The following ATAD5 variants were observed in gnomAD, a reference collection of about 807,000 sequenced individuals.
The protein encoded by ATAD5 is ATPase family AAA domain-containing protein 5.
Under a neutral mutation model 176.9 loss-of-function variants are expected in ATAD5, and 58 were observed. That is an observed-to-expected ratio of 0.33 (90% CI 0.27 to 0.41). The LOEUF is 0.41. Among genes scored for constraint, ATAD5 ranks in the 10% least tolerant of loss-of-function variants. The probability of loss-of-function intolerance (pLI) is 1.00; values close to 1 mark genes in which losing one functional copy is unlikely to be tolerated. For missense variants in ATAD5, 1,789 were observed against 2,094.1 expected, an observed-to-expected ratio of 0.85 and a Z score of 2.84; for synonymous variants, 640 against 712.6, an observed-to-expected ratio of 0.90 and a Z score of 1.62.
rs768242074 is a variant in ATAD5 at position 30,835,265 on chromosome 17, G to A, written c.1184G>A (p.Cys395Tyr). The change falls in exon 2 of 23, where the codon TGC becomes TAC. Residue 395 changes from cysteine to tyrosine, a missense_variant. Coordinates refer to ENST00000321990, the MANE Select transcript of ATAD5 (RefSeq NM_024857.5). The stretch of plus-strand genomic sequence containing the variant: ...AGTTCTGAAGCTGTGAAACCAAAAT[G>A]CACTCTAGAAGAAAGACAGCAATTT... ...AGSSEAVKPK[C>Y]TLEERQQFMK... 6.2e-7 allele frequency: 1 copy of A among 1,614,068 alleles called. No homozygotes were observed. Among genetic ancestry groups the A allele is most frequent in the Non-Finnish European group, 8.5e-7 (1 of 1,179,990 alleles).
intron 14 of ATAD5, among the ~76,000 whole-genome samples, chr17:30,870,234 A>T (rs1908260105): frequency 6.6e-6 from 1 of 152,180 alleles, no homozygotes; most frequent in Admixed American, 6.6e-5. Flanking sequence ...CATATCTTAC[A>T]TTTGATTCAG....
chr17:30,840,473 C>T (rs901860319), intron 3 of ATAD5, 144 bp from the exon 4 acceptor site: 5 of 541,058 alleles, frequency 9.2e-6, no homozygotes, highest in Admixed American at 4.1e-5. Context: ...TAACTAGACA[C>T]ATTTCAATTT....
intron 6 of ATAD5, among the ~76,000 whole-genome samples, chr17:30,849,740 T>C (rs1466535491): frequency 6.6e-6 from 1 of 152,234 alleles, no homozygotes; most frequent in East Asian, 1.9e-4. Context: ...ATTTGTTGTG[T>C]CTTTTGAAGT....
chr17:30,855,210 A>C lies in ATAD5; in HGVS notation c.2518A>C (p.Ser840Arg). 6.2e-7 allele frequency: 1 copy of C among 1,614,074 alleles called. No homozygotes were observed. Among genetic ancestry groups the C allele is most frequent in the South Asian group, 1.1e-5 (1 of 91,064 alleles). Reference protein sequence around the residue: ...QCKAKRDFLMSGLPDLLKRQI... With the variant: ...QCKAKRDFLMRGLPDLLKRQI... The stretch of plus-strand genomic sequence containing the variant: ...TAAAGCAAAGCGTGACTTCCTAATG[A>C]GTGGTTTGCCAGATTTGTTGAAACG... Residue 840 changes from serine to arginine, a missense_variant, in exon 7 of 23, where the codon AGT becomes CGT. By Grantham distance (110) the Ser-to-Arg change is moderately radical. Transcript: ENST00000321990.
intron 14 of ATAD5, among the ~76,000 whole-genome samples, chr17:30,874,655 G>T (rs2142410883): frequency 8.2e-6 from 1 of 122,244 alleles, no homozygotes; most frequent in South Asian, 2.9e-4. Flanking sequence ...ATTTGAGATG[G>T]AGTCTTGGTC....
At chr17:30,844,422 C>T (rs1013584928) in intron 5 of ATAD5, among the ~76,000 whole-genome samples, 16 of 152,168 alleles carry the variant, frequency 1.1e-4, no homozygotes, top group Admixed American at 4.6e-4. Context: ...TGAGCCACTG[C>T]ACCCGGCCTG....
At chr17:30,836,143 T>G in intron 2 of ATAD5, 95 bp downstream of exon 2, 1 of 1,068,388 alleles carries the variant, frequency 9.4e-7, no homozygotes, top group African/African-American at 1.6e-5. Context: ...TTTTTTTTTC[T>G]AGAACACAGC....
chr17:30,894,237 T>C, intron 21 of ATAD5, 87 bp downstream of exon 21: 1 of 1,160,034 alleles, frequency 8.6e-7, no homozygotes. Context: ...TTAAAAATGC[T>C]GTACTATTGA....
intron 19 of ATAD5, among the ~76,000 whole-genome samples, chr17:30,888,795 C>T (rs938971207): frequency 1.3e-5 from 2 of 151,976 alleles, no homozygotes; most frequent in African/African-American, 4.8e-5. Context: ...AGGCTGGGTG[C>T]AGTGGCTCAC....
Position 30,835,171 on chromosome 17 carries a change from G to A in ATAD5, c.1090G>A (p.Val364Ile). The change falls in exon 2 of 23, where the codon GTT (valine) becomes ATT (isoleucine). Residue 364 changes from valine (V) to isoleucine (I), a missense_variant. Around this residue, in one of 6 missense-constraint regions of ATAD5, gnomAD observed 696 missense variants for 712.5 expected, o/e 0.98. Coordinates refer to ENST00000321990, the MANE Select transcript of ATAD5 (RefSeq NM_024857.5). ...ATCTGATCCTGAGAATGAACAGACAGTTCAGAAAAGAAAATCTAATGTTGT... is the reference window on the plus strand; with the variant it reads ...ATCTGATCCTGAGAATGAACAGACAATTCAGAAAAGAAAATCTAATGTTGT... Reference protein sequence around the residue: ...SLSDPENEQTVQKRKSNVVIQ... With the variant: ...SLSDPENEQTIQKRKSNVVIQ... 6.2e-7 allele frequency: 1 copy of A among 1,613,964 alleles called. No individual in the cohort carries two copies.
intron 21 of ATAD5, 43 bp downstream of exon 21, chr17:30,894,193 C>T (rs773422471): frequency 1.5e-5 from 21 of 1,428,836 alleles, no homozygotes; most frequent in Middle Eastern, 1.9e-4. Flanking sequence ...GGTAATAAAT[C>T]GTAAAGGGGA....
Position 30,855,433 on chromosome 17 carries a change from A to C in ATAD5, c.2635+106A>C, listed in dbSNP as rs1022107409. ...AGGCTGAAGTTTAATTATCATTCTT[A>C]TGGTGACTTTAGTGGGAATTTTAAG... On this transcript the variant is annotated intron_variant, in intron 7 of 22. Coordinates refer to ENST00000321990, the MANE Select transcript of ATAD5 (RefSeq NM_024857.5). 12 of 1,192,690 alleles carry C rather than the reference A, an allele frequency of 1.0e-5. No individual in the cohort carries two copies. In the African/African-American group the frequency reaches 1.7e-4, roughly 17 times the overall value. 73.9% of individuals were successfully genotyped at this position (1,192,690 alleles called of 1,614,324 possible). A position where few individuals can be genotyped will look rare whatever the true frequency, so the allele number is the denominator to read the frequency against.
rs768048944 is a variant in ATAD5, at chr17:30,893,613, A to G, written c.4760A>G (p.Asp1587Gly). The G allele has an allele frequency of 6.2e-7, 1 of 1,613,980 alleles. No homozygotes were observed. Among genetic ancestry groups the G allele is most frequent in the Non-Finnish European group, 8.5e-7 (1 of 1,179,946 alleles). Reference sequence around the variant, plus strand: ...TTTGACACTGACTTGGACTTTCCTGATCAATCTATTAGCCTGTCCTCTGTA... The same window carrying G: ...TTTGACACTGACTTGGACTTTCCTGGTCAATCTATTAGCCTGTCCTCTGTA... ...DLFDTDLDFPDQSISLSSVSS... is the reference protein window; with the variant it reads ...DLFDTDLDFPGQSISLSSVSS... Residue 1587 changes from aspartate (D) to glycine (G), a missense_variant, in exon 21 of 23, where the codon GAT becomes GGT. Asp to Gly is a moderately conservative substitution (Grantham distance 94, BLOSUM62 -1). This residue lies in a region of ATAD5 where 403 missense variants were observed against 495.1 expected (regional missense o/e 0.81). Transcript: ENST00000321990.
intron 6 of ATAD5, among the ~76,000 whole-genome samples, chr17:30,853,362 A>G (rs1450346905): frequency 6.6e-6 from 1 of 151,866 alleles, no homozygotes; most frequent in Non-Finnish European, 1.5e-5. Flanking sequence ...TATATTTTTT[A>G]TTAGTACCTT....
At position 30,877,649 on chromosome 17, in the gene ATAD5, A is replaced by G; in HGVS notation, c.3918+100A>G. The G allele has an allele frequency of 5.5e-6, 7 of 1,263,224 alleles. No homozygotes were observed. The South Asian group carries it at 8.2e-5, about 15-fold the overall frequency. 78.3% of individuals were successfully genotyped at this position (1,263,224 alleles called of 1,614,324 possible). ...ATAAAGAATTGTAAAATAGCTAAGGAGGTCAGGAATACGTGTATCTATTTG... is the reference window on the plus strand; with the variant it reads ...ATAAAGAATTGTAAAATAGCTAAGGGGGTCAGGAATACGTGTATCTATTTG... On this transcript the variant is annotated intron_variant, in intron 16 of 22. Coordinates refer to ENST00000321990, the MANE Select transcript of ATAD5 (RefSeq NM_024857.5).
rs1257860857 is a variant in ATAD5, at chr17:30,844,894, G to C, written c.2428G>C (p.Val810Leu). Residue 810 changes from valine (V) to leucine (L), a missense_variant, in exon 6 of 23, where the codon GTC becomes CTC. Val to Leu is a conservative substitution (Grantham distance 32). This residue lies in a region of ATAD5 where 487 missense variants were observed against 573.6 expected (regional missense o/e 0.85). Transcript: ENST00000321990. ...AAAAGCACAAAAAGCAGCTGATCCTGTCCCTAGTTTTGATGAAAGCAGGTC... is the reference window on the plus strand; with the variant it reads ...AAAAGCACAAAAAGCAGCTGATCCTCTCCCTAGTTTTGATGAAAGCAGGTC... ...VRKAQKAADP[V>L]PSFDESSQDT... The C allele has an allele frequency of 8.2e-6, 13 of 1,583,342 alleles. No individual in the cohort carries two copies. The highest frequency in any genetic ancestry group is 1.2e-5 in the South Asian group (1 of 84,774).
Position 30,834,079 on chromosome 17 carries a change from C to T in ATAD5, c.67-69C>T, listed in dbSNP as rs1056792437. 6.3e-6 allele frequency: 8 copies of T among 1,262,638 alleles called. No individual in the cohort carries two copies. The East Asian group carries it at 7.9e-5, about 12-fold the overall frequency. 78.2% of individuals were successfully genotyped at this position (1,262,638 alleles called of 1,614,324 possible). A position where few individuals can be genotyped will look rare whatever the true frequency, so the allele number is the denominator to read the frequency against. On this transcript the variant is annotated intron_variant, in intron 1 of 22. Coordinates refer to ENST00000321990, the MANE Select transcript of ATAD5 (RefSeq NM_024857.5). Reference sequence around the variant, plus strand: ...ATCCTATTATGTAAACTATTAGATCCATGTTTAAAATTTATATTTTGTATT... The same window carrying T: ...ATCCTATTATGTAAACTATTAGATCTATGTTTAAAATTTATATTTTGTATT...
chr17:30,837,419 C>T, intron 3 of ATAD5, 105 bp downstream of exon 3: 1 of 731,250 alleles, frequency 1.4e-6, no homozygotes. Context: ...AAATAAAATT[C>T]ATGTATTTCA....
chr17:30,848,170 G>T (rs924704761), intron 6 of ATAD5, among the ~76,000 whole-genome samples: 1 of 151,920 alleles, frequency 6.6e-6, no homozygotes, highest in Non-Finnish European at 1.5e-5. Flanking sequence ...CCAAGTTGTT[G>T]TTCGGTTTTA....
Sources: gnomAD v4.1 joint callset for allele counts (sites outside exome capture counted in the v4.1 genomes callset) on GRCh38, gnomAD v4.1.1 for gene constraint, gnomAD v4.1.1 regional missense constraint, MANE v1.5 for transcripts, NCBI Gene and HGNC (gene_info 2026-07-23, HGNC 2026-07-21) for gene names.